CTNNBL1: variants seen among roughly 807,000 people sequenced by gnomAD.
CTNNBL1 encodes the protein beta-catenin-like protein 1.
Under a neutral mutation model 72.7 loss-of-function variants are expected in CTNNBL1, and 31 were observed. The ratio of observed to expected loss-of-function variants is 0.43; its 90% CI spans 0.32 to 0.58. The LOEUF is 0.58. Among genes scored for constraint, CTNNBL1 ranks in the 20% least tolerant of loss-of-function variants. CTNNBL1 has a pLI of 0.08. For missense variants in CTNNBL1, 534 were observed against 725.1 expected (o/e 0.74, Z 3.03); for synonymous variants, 240 against 267.3 (o/e 0.90, Z 1.00).
intron 13 of CTNNBL1, among the ~76,000 whole-genome samples, chr20:37,858,092 G>A (rs947406710): frequency 6.6e-6 from 1 of 152,250 alleles, no homozygotes; most frequent in African/African-American, 2.4e-5. Context: ...AGCTATTTGA[G>A]AGGCTAAGGT....
chr20:37,823,048 A>C (rs1450839168), intron 11 of CTNNBL1, among the ~76,000 whole-genome samples: 1 of 152,208 alleles, frequency 6.6e-6, no homozygotes, highest in African/African-American at 2.4e-5. Flanking sequence ...TATATTGTTG[A>C]TTGTACCCGG....
intron 10 of CTNNBL1, among the ~76,000 whole-genome samples, chr20:37,784,925 G>A (rs548940915): frequency 1.3e-5 from 2 of 152,228 alleles, no homozygotes; most frequent in South Asian, 2.1e-4. Flanking sequence ...GATGGGTCTG[G>A]TGTTGATGAA....
At chr20:37,818,915 C>T (rs903029503) in intron 11 of CTNNBL1, among the ~76,000 whole-genome samples, 1 of 152,158 alleles carries the variant, frequency 6.6e-6, no homozygotes, top group Non-Finnish European at 1.5e-5. Context: ...CTGTAATATA[C>T]TTTTCATATG....
rs141778572 is a variant in CTNNBL1, at chr20:37,805,495, C to T, written c.1213+2447C>T. 4.1e-3 allele frequency among the ~76,000 whole-genome samples: 606 copies of T among 148,038 alleles called. 3 individuals carry two copies. Among genetic ancestry groups the T allele is most frequent in the African/African-American group, 0.014 (572 of 40,192 alleles). ...CACTGCAGCCTCTGCCTCCCAGGTT[C>T]AACCGATTCTCCTGCCTCAGCCTCA... On this transcript the variant is annotated intron_variant, in intron 11 of 15. Transcript: ENST00000361383.
intron 1 of CTNNBL1, among the ~76,000 whole-genome samples, chr20:37,728,705 T>G (rs1418327425): frequency 6.6e-6 from 1 of 152,200 alleles, no homozygotes; most frequent in Non-Finnish European, 1.5e-5. Context: ...ATATCAGGGC[T>G]TTTGCATGGC....
intron 11 of CTNNBL1, among the ~76,000 whole-genome samples, chr20:37,825,589 T>G (rs192639110): frequency 6.6e-6 from 1 of 152,190 alleles, no homozygotes; most frequent in East Asian, 1.9e-4. Context: ...GCAGGAGAAT[T>G]GCTTGAACCC....
intron 11 of CTNNBL1, among the ~76,000 whole-genome samples, chr20:37,808,648 C>T (rs1041569429): frequency 1.3e-5 from 2 of 152,076 alleles, no homozygotes; most frequent in Non-Finnish European, 2.9e-5. Context: ...GCAGTGTCTT[C>T]CCCTAGTTCC....
At chr20:37,736,813 C>T (rs1445225035) in intron 2 of CTNNBL1, among the ~76,000 whole-genome samples, 1 of 152,104 alleles carries the variant, frequency 6.6e-6, no homozygotes, top group African/African-American at 2.4e-5. Context: ...TTTAACACCT[C>T]AAACCGAATT....
rs142873207 is a variant in CTNNBL1 at position 37,727,757 on chromosome 20, A to G, written c.31-5122A>G. Among the ~76,000 whole-genome samples the G allele has an allele frequency of 2.8e-3, 428 of 152,372 alleles. 4 individuals carry two copies. The highest frequency in any genetic ancestry group is 0.017 in the East Asian group (89 of 5,190). ...GTTGTGTAAGACACAGGGAGAGCTC[A>G]GCCTGAGCTGTTGACCTCTGTGACA... On this transcript the variant is annotated intron_variant, in intron 1 of 15. Transcript: ENST00000361383.
chr20:37,728,937 A>T (rs1185592593), intron 1 of CTNNBL1, among the ~76,000 whole-genome samples: 3 of 152,178 alleles, frequency 2.0e-5, no homozygotes. Context: ...TAACAGAGTT[A>T]TTCTTGTCTC....
intron 11 of CTNNBL1, among the ~76,000 whole-genome samples, chr20:37,815,551 C>T (rs1405098440): frequency 6.6e-6 from 1 of 152,110 alleles, no homozygotes; most frequent in African/African-American, 2.4e-5. Context: ...CTCCTGACTT[C>T]AGGTGATCTG....
chr20:37,745,361 A>C (rs1443454142), intron 3 of CTNNBL1, among the ~76,000 whole-genome samples: 1 of 152,194 alleles, frequency 6.6e-6, no homozygotes, highest in Non-Finnish European at 1.5e-5. Flanking sequence ...GCATCTGTGG[A>C]TATAAGAGAC....
At chr20:37,829,758 T>C (rs1326607695) in intron 11 of CTNNBL1, among the ~76,000 whole-genome samples, 2 of 152,180 alleles carry the variant, frequency 1.3e-5, no homozygotes, top group African/African-American at 4.8e-5. Context: ...TCTTAGCTCC[T>C]CTGGCTGGGA....
intron 13 of CTNNBL1, among the ~76,000 whole-genome samples, chr20:37,855,888 G>A (rs2072435721): frequency 6.6e-6 from 1 of 152,032 alleles, no homozygotes; most frequent in South Asian, 2.1e-4. Context: ...TCATTAAATA[G>A]CTTTGAACCT....
Position 37,846,626 on chromosome 20 carries a change from C to T in CTNNBL1, c.1392+4207C>T, listed in dbSNP as rs373164983. On this transcript the variant is annotated intron_variant, in intron 13 of 15. Coordinates refer to ENST00000361383, the MANE Select transcript of CTNNBL1 (RefSeq NM_030877.5). ...ACAAGGACTGTTTGTGTCCCCCTGC[C>T]CCGCCCCCGCACATGTGTACATACC... Among the ~76,000 whole-genome samples, 38 of 152,144 alleles carry T rather than the reference C, an allele frequency of 2.5e-4. 1 individual carries two copies. Among genetic ancestry groups the T allele is most frequent in the African/African-American group, 8.7e-4 (36 of 41,460 alleles).
chr20:37,861,679 C>T (rs901937727), intron 15 of CTNNBL1, among the ~76,000 whole-genome samples: 1 of 152,168 alleles, frequency 6.6e-6, no homozygotes, highest in African/African-American at 2.4e-5. Flanking sequence ...AGCGTGGGCT[C>T]TAGGGTCAGA....
At chr20:37,752,234 TAAATGTTGAATGA>T (rs1484017841) in intron 4 of CTNNBL1, among the ~76,000 whole-genome samples, 1 of 152,218 alleles carries the variant, frequency 6.6e-6, no homozygotes, top group East Asian at 1.9e-4. Context: ...AAGGACTTAA[TAAATGTTGAATGA>T]GTACATTTTC....
Position 37,779,295 on chromosome 20 carries a change from C to T in CTNNBL1, c.991C>T (p.Leu331=). ...LMLSSNRERF[L]KGEGLQLMNL... is the part of the protein sequence containing the mutation. ...GCTTAGTTCCAATCGTGAGCGCTTCCTGAAGGGCGAGGGTCTTCAGCTGAT... is the reference window on the plus strand; with the variant it reads ...GCTTAGTTCCAATCGTGAGCGCTTCTTGAAGGGCGAGGGTCTTCAGCTGAT... Residue 331 remains leucine (L), a synonymous_variant, in exon 10 of 16, where the codon CTG becomes TTG. Coordinates refer to ENST00000361383, the MANE Select transcript of CTNNBL1 (RefSeq NM_030877.5). 6.2e-7 allele frequency: 1 copy of T among 1,613,738 alleles called. No individual in the cohort carries two copies. The highest frequency in any genetic ancestry group is 8.5e-7 in the Non-Finnish European group (1 of 1,179,724).
chr20:37,729,477 G>GT (rs34901589), intron 1 of CTNNBL1, among the ~76,000 whole-genome samples: 46,687 of 148,440 alleles, frequency 0.31, 8,104 homozygotes, highest in South Asian at 0.44. Context: ...CATAGCTAGT[G>GT]TTTTTTTTTT....
Sources: allele counts gnomAD v4.1 joint callset (sites outside exome capture counted in the v4.1 genomes callset), GRCh38; gene constraint gnomAD v4.1.1; transcripts MANE v1.5; gene names NCBI Gene and HGNC (gene_info 2026-07-23, HGNC 2026-07-21).